PALM: variants seen among roughly 807,000 people sequenced by gnomAD.
PALM encodes paralemmin-1.
Under a neutral mutation model 30.7 loss-of-function variants are expected in PALM, and 18 were observed. The ratio of observed to expected loss-of-function variants is 0.59; its 90% CI spans 0.41 to 0.87. The LOEUF (loss-of-function observed/expected upper bound fraction) is 0.87, where lower values mean the gene tolerates loss of function less well. PALM is among the 40% of genes least tolerant of loss of function. The probability of loss-of-function intolerance (pLI) is 0.00; values close to 1 mark genes in which losing one functional copy is unlikely to be tolerated. For synonymous variants in PALM, 286 were observed against 242.8 expected, an observed-to-expected ratio of 1.18 and a Z score of -1.66; for missense variants, 529 against 555.4, an observed-to-expected ratio of 0.95 and a Z score of 0.48.
chr19:726,328 C>G (rs1315302522), intron 2 of PALM, 139 bp downstream of exon 2: 9 of 671,764 alleles, frequency 1.3e-5, no homozygotes, highest in Non-Finnish European at 2.3e-5. Context: ...AAACTTGGAT[C>G]CTGCTGACCC....
intron 1 of PALM, chr19:711,329 G>C (rs2032073587): frequency 3.1e-6 from 1 of 325,540 alleles, no homozygotes; most frequent in South Asian, 1.2e-4. Flanking sequence ...TTTTGGCCTG[G>C]AGCAGCCATT....
At chr19:719,599 C>T (rs899034570) in intron 1 of PALM, 1 of 986,232 alleles carries the variant, frequency 1.0e-6, no homozygotes, top group Non-Finnish European at 1.2e-6. Context: ...GCACCAGGAC[C>T]GCCGCCGCCC....
At chr19:714,525 A>AT (rs577722658) in intron 1 of PALM, among the ~76,000 whole-genome samples, 1 of 144,556 alleles carries the variant, frequency 6.9e-6, no homozygotes, top group East Asian at 2.2e-4. Context: ...CGCCCGGCTA[A>AT]TTTTTTGTAT....
intron 1 of PALM, among the ~76,000 whole-genome samples, chr19:722,073 C>T (rs1195493944): frequency 2.0e-5 from 3 of 152,096 alleles, no homozygotes; most frequent in South Asian, 2.1e-4. Flanking sequence ...CACCCGCCAC[C>T]ACGCCGGGCT....
intron 8 of PALM, among the ~76,000 whole-genome samples, chr19:741,755 A>G (rs1267745700): frequency 6.6e-6 from 1 of 152,100 alleles, no homozygotes; most frequent in African/African-American, 2.4e-5. Context: ...CTAGAGGTCA[A>G]GAGGCAAACA....
At chr19:728,010 G>A (rs1406228886) in intron 4 of PALM, 1 of 206,374 alleles carries the variant, frequency 4.8e-6, no homozygotes, top group Non-Finnish European at 8.2e-6. Flanking sequence ...GGTCCCTGGA[G>A]CTGGCCAGCG....
intron 6 of PALM, 144 bp from the exon 7 acceptor site, chr19:735,875 T>C: frequency 1.5e-6 from 1 of 659,836 alleles, no homozygotes; most frequent in Admixed American, 2.6e-5. Context: ...GGTTCCTGTG[T>C]CTGGGTGGGG....
chr19:709,856 T>A lies in PALM; in HGVS notation c.5+705T>A, dbSNP rs146717608. Among the ~76,000 whole-genome samples, 43 of 151,336 alleles carry A rather than the reference T, an allele frequency of 2.8e-4. No individual in the cohort carries two copies. The highest frequency in any genetic ancestry group is 9.7e-4 in the African/African-American group (40 of 41,144). On this transcript the variant is annotated intron_variant, in intron 1 of 8. Coordinates refer to ENST00000338448, the MANE Select transcript of PALM (RefSeq NM_002579.3). The surrounding 1 kb of genome is among the most constrained non-coding windows in gnomAD (Gnocchi z 4.3). ...GGCTCCACTGGTGTAGCTACAGGAG[T>A]GGGCTGGCCCTGGGCTGGGATCCCT...
rs1216273403 is a variant in PALM, at chr19:727,616, C to T, written c.191C>T (p.Ser64Leu). The change falls in exon 4 of 9, where the codon TCA becomes TTA. Residue 64 changes from serine (S) to leucine (L), a missense_variant. Ser to Leu is a moderately radical substitution (Grantham distance 145). Transcript: ENST00000338448. Reference sequence around the variant, plus strand: ...CTGGAGGGGACGCCGTCCTCGGCCTCAGAGGGGGATGAGGACCTGAGGAGG... The same window carrying T: ...CTGGAGGGGACGCCGTCCTCGGCCTTAGAGGGGGATGAGGACCTGAGGAGG... ...WLLEGTPSSASEGDEDLRRQM... is the reference protein window; with the variant it reads ...WLLEGTPSSALEGDEDLRRQM... The T allele has an allele frequency of 6.3e-7, 1 of 1,579,530 alleles. No individual in the cohort carries two copies. Among genetic ancestry groups the T allele is most frequent in the Non-Finnish European group, 8.6e-7 (1 of 1,163,282 alleles).
chr19:731,797 C>G (rs180957647), intron 5 of PALM, among the ~76,000 whole-genome samples: 91 of 152,212 alleles, frequency 6.0e-4, no homozygotes, highest in African/African-American at 2.1e-3. Context: ...GTAGCTGGGA[C>G]TACAGGCGCC....
chr19:724,873 C>T lies in PALM; in HGVS notation c.6-1265C>T, dbSNP rs183352867. ...TCCTGGGCTGGAGTAATCCTCCCAC[C>T]TCGGCCTCCCAAAGTGCTAAAATTA... On this transcript the variant is annotated intron_variant, in intron 1 of 8. Transcript: ENST00000338448. 2.3e-3 allele frequency among the ~76,000 whole-genome samples: 345 copies of T among 152,016 alleles called. 2 individuals are homozygous for T. The highest frequency in any genetic ancestry group is 7.7e-3 in the African/African-American group (318 of 41,478).
At position 727,257 on chromosome 19, in the gene PALM, AC is replaced by A. The variant is rs1260498898; in HGVS notation, c.138+173del. Among the ~76,000 whole-genome samples, 7 of 126,118 alleles carry A rather than the reference AC, an allele frequency of 5.6e-5. No individual in the cohort carries two copies. In the South Asian group the frequency reaches 1.8e-3, roughly 33 times the overall value. The allele number at this position is 126,118 out of a possible 152,430, so 82.7% of individuals were successfully genotyped here. ...GACCCCGACCCCGACCCCGACCCTG[AC>A]CCCAACCTGACCCCGACCCTGACCC... On this transcript the variant is annotated intron_variant, in intron 3 of 8. Coordinates refer to ENST00000338448, the MANE Select transcript of PALM (RefSeq NM_002579.3).
intron 1 of PALM, among the ~76,000 whole-genome samples, 153 bp from the exon 2 acceptor site, chr19:725,985 G>A (rs576407476): frequency 6.6e-6 from 1 of 152,314 alleles, no homozygotes; most frequent in South Asian, 2.1e-4. Flanking sequence ...GGGCAGGGAG[G>A]GCCCCACTTT....
At position 747,977 on chromosome 19, in the gene PALM, A is replaced by T. The variant is rs2033395210; in HGVS notation, c.*1163A>T. The stretch of plus-strand genomic sequence containing the variant: ...GTTGGCTTTGGACAACCAGGCCCCA[A>T]CTTGGTCCCTGCCCTAGGGACCTCC... On this transcript the variant is annotated 3_prime_UTR_variant, in exon 9 of 9. Transcript: ENST00000338448. The T allele has an allele frequency of 6.6e-6, 1 of 152,566 alleles. No individual in the cohort carries two copies. Among genetic ancestry groups the T allele is most frequent in the South Asian group, 2.1e-4 (1 of 4,832 alleles). The allele number at this position is 152,566 out of a possible 1,614,324, so 9.5% of individuals were successfully genotyped here. A position where few individuals can be genotyped will look rare whatever the true frequency, so the allele number is the denominator to read the frequency against.
chr19:747,288 T>A lies in PALM; in HGVS notation c.*474T>A, dbSNP rs1467798668. 1 of 159,914 alleles carries A rather than the reference T, an allele frequency of 6.3e-6. No individual in the cohort carries two copies. Among genetic ancestry groups the A allele is most frequent in the Non-Finnish European group, 1.4e-5 (1 of 73,712 alleles). 9.9% of individuals were successfully genotyped at this position (159,914 alleles called of 1,614,324 possible). A position where few individuals can be genotyped will look rare whatever the true frequency, so the allele number is the denominator to read the frequency against. On this transcript the variant is annotated 3_prime_UTR_variant, in exon 9 of 9. Transcript: ENST00000338448. Reference sequence around the variant, plus strand: ...CCTGCTCAGGCCCTGGAAGTGAGGCTCTATGGGGTTCCCTGGCCAAGGCGC... The same window carrying A: ...CCTGCTCAGGCCCTGGAAGTGAGGCACTATGGGGTTCCCTGGCCAAGGCGC...
intron 7 of PALM, 54 bp from the exon 8 acceptor site, chr19:740,297 CG>C (rs904594401): frequency 3.2e-5 from 47 of 1,491,286 alleles, no homozygotes; most frequent in Admixed American, 1.5e-4. Flanking sequence ...CGCAGCCCGG[CG>C]GGGGGGTGCG....
chr19:725,619 G>T (rs2032635750), intron 1 of PALM, among the ~76,000 whole-genome samples: 1 of 152,180 alleles, frequency 6.6e-6, no homozygotes, highest in African/African-American at 2.4e-5. Flanking sequence ...ATCCGGACTT[G>T]GATCCTTTGC....
chr19:736,610 TC>T (rs2033032218), intron 7 of PALM, among the ~76,000 whole-genome samples: 2 of 152,066 alleles, frequency 1.3e-5, no homozygotes, highest in Non-Finnish European at 2.9e-5. Context: ...GAACCCCTGG[TC>T]TGCCGCCTTG....
At chr19:729,236 G>C (rs1036133216) in intron 4 of PALM, among the ~76,000 whole-genome samples, 5 of 151,420 alleles carry the variant, frequency 3.3e-5, no homozygotes, top group Non-Finnish European at 7.4e-5. Context: ...TGAGGCAGGA[G>C]AATTGCTTGA....
Sources: gnomAD v4.1 joint callset for allele counts (sites outside exome capture counted in the v4.1 genomes callset) on GRCh38, gnomAD v4.1.1 for gene constraint, Gnocchi (gnomAD v3.1) non-coding constraint, MANE v1.5 for transcripts, NCBI Gene and HGNC (gene_info 2026-07-23, HGNC 2026-07-21) for gene names.